MYO16: variants seen among roughly 807,000 people sequenced by gnomAD.
MYO16 encodes unconventional myosin-XVI.
Under a neutral mutation model 205.3 loss-of-function variants are expected in MYO16, and 94 were observed. The ratio of observed to expected loss-of-function variants is 0.46; its 90% confidence interval spans 0.39 to 0.54. The LOEUF is 0.54. Ranked by LOEUF, MYO16 falls within the 20% of genes least tolerant of loss-of-function variation. The pLI, the probability that MYO16 is intolerant of heterozygous loss-of-function variation, is 0.00. For missense variants in MYO16, 2,315 were observed against 2,387.5 expected (o/e 0.97, Z 0.63); for synonymous variants, 988 against 954.0 (o/e 1.04, Z -0.66).
At chr13:108,598,030 A>G (rs1444412305) in intron 1 of MYO16, among the ~76,000 whole-genome samples, 1 of 152,224 alleles carries the variant, frequency 6.6e-6, no homozygotes, top group African/African-American at 2.4e-5. Context: ...CGGCTGCTCC[A>G]CTGCTGAAAA....
At chr13:109,187,941 G>C (rs1879753195) in intron 34 of MYO16, among the ~76,000 whole-genome samples, 1 of 152,154 alleles carries the variant, frequency 6.6e-6, no homozygotes, top group Admixed American at 6.5e-5. Flanking sequence ...CCTGAGAGAA[G>C]AGCACAGAAG....
chr13:108,576,306 C>T, the MYO16 span, among the ~76,000 whole-genome samples: 1 of 152,290 alleles, frequency 6.6e-6, no homozygotes, highest in East Asian at 1.9e-4. Context: ...AACACAGGCT[C>T]TGTACATCCC....
At chr13:108,925,101 G>A (rs551256913) in intron 16 of MYO16, among the ~76,000 whole-genome samples, 4 of 152,188 alleles carry the variant, frequency 2.6e-5, no homozygotes, top group East Asian at 1.9e-4. Context: ...ATCATCCAGA[G>A]GCACCCAGAG....
intron 31 of MYO16, among the ~76,000 whole-genome samples, chr13:109,130,283 T>A (rs1054883539): frequency 1.3e-5 from 2 of 152,206 alleles, no homozygotes; most frequent in Admixed American, 1.3e-4. Flanking sequence ...GTCCACTGTG[T>A]CGCACCCTGG....
chr13:108,957,714 A>G lies in MYO16; in HGVS notation c.1952A>G (p.Asp651Gly), dbSNP rs761716126. 1.9e-6 allele frequency: 3 copies of G among 1,613,170 alleles called. No individual in the cohort carries two copies. In the South Asian group the frequency reaches 3.3e-5, roughly 18 times the overall value. ...HRYLNQTIQD[D>G]ASTGERSLNR... Reference sequence around the variant, plus strand: ...TATTTGAACCAGACCATACAGGATGATGCATCCACAGGGGAGCGTTCTCTG... The same window carrying G: ...TATTTGAACCAGACCATACAGGATGGTGCATCCACAGGGGAGCGTTCTCTG... The change falls in exon 17 of 35, where the codon GAT (aspartate) becomes GGT (glycine). Residue 651 changes from aspartate (D) to glycine (G), a missense_variant. Around this residue, in one of 3 missense-constraint regions of MYO16, gnomAD observed 1,213 missense variants for 1,274.4 expected, o/e 0.95. Transcript: ENST00000457511.
intron 23 of MYO16, among the ~76,000 whole-genome samples, chr13:109,035,668 A>G (rs1359436527): frequency 6.6e-6 from 1 of 152,164 alleles, no homozygotes; most frequent in Admixed American, 6.6e-5. Context: ...CGGGTGACAA[A>G]GTGAGACTCT....
intron 2 of MYO16, among the ~76,000 whole-genome samples, chr13:108,687,538 A>G (rs7324840): frequency 0.41 from 61,947 of 152,050 alleles, 12,647 homozygotes; most frequent in South Asian, 0.51. Context: ...CTCTGCATTC[A>G]TTTTAAACCA....
chr13:109,061,745 C>G lies in MYO16; in HGVS notation c.3335+6150C>G, dbSNP rs181432759. ...ATGACAGGCATTACCCAATGCAAAG[C>G]AGAGAAGTGAAGTGTGAACGTGTTG... On this transcript the variant is annotated intron_variant, in intron 27 of 34. Coordinates refer to ENST00000457511, the MANE Select transcript of MYO16 (RefSeq NM_001198950.3). Among the ~76,000 whole-genome samples, 10 of 152,222 alleles carry G rather than the reference C, an allele frequency of 6.6e-5. 1 individual carries two copies. The East Asian group carries it at 1.9e-3, about 29-fold the overall frequency.
chr13:109,109,762 G>A lies in MYO16; in HGVS notation c.3438+8875G>A, dbSNP rs890965917. 2.0e-5 allele frequency among the ~76,000 whole-genome samples: 3 copies of A among 151,990 alleles called. No individual in the cohort carries two copies. The South Asian group carries it at 6.2e-4, about 32-fold the overall frequency. ...GTTTGGAGCTCTAGATGATGGAAAA[G>A]ACTCGGCCCTTTAGGGCTGAAAACA... On this transcript the variant is annotated intron_variant, in intron 28 of 34. Transcript: ENST00000457511.
At chr13:108,704,972 A>C (rs374472009) in intron 2 of MYO16, among the ~76,000 whole-genome samples, 5 of 152,022 alleles carry the variant, frequency 3.3e-5, no homozygotes, top group East Asian at 1.9e-4. Flanking sequence ...TGACCAAACC[A>C]AACCAAAACA....
At chr13:109,072,008 G>A (rs9555553) in intron 27 of MYO16, among the ~76,000 whole-genome samples, 75,968 of 151,938 alleles carry the variant, frequency 0.5, 19,013 homozygotes, top group Middle Eastern at 0.55. Context: ...TTGTACTATG[G>A]TTATGCTGCC....
rs554761451 is a variant in MYO16 at position 108,899,940 on chromosome 13, C to G, written c.1777+1807C>G. Among the ~76,000 whole-genome samples, 26 of 152,290 alleles carry G rather than the reference C, an allele frequency of 1.7e-4. No homozygotes were observed. The East Asian group carries it at 4.1e-3, about 24-fold the overall frequency. ...CAGTTTAACAAGATTCCAGGTGATT[C>G]ATGGGACGTGAGTGTCTGAGAGCTC... On this transcript the variant is annotated intron_variant, in intron 15 of 34. Transcript: ENST00000457511.
intron 12 of MYO16, among the ~76,000 whole-genome samples, chr13:108,870,595 A>G (rs1879001875): frequency 6.8e-6 from 1 of 146,760 alleles, no homozygotes; most frequent in African/African-American, 2.5e-5. Flanking sequence ...TTTCTGTGCT[A>G]GTTTTTAATG....
At chr13:108,865,655 G>T (rs982729312) in intron 11 of MYO16, among the ~76,000 whole-genome samples, 16 of 151,486 alleles carry the variant, frequency 1.1e-4, no homozygotes, top group Non-Finnish European at 2.2e-4. Flanking sequence ...CTGGTGTTTG[G>T]GTTTAAATCT....
chr13:108,770,448 A>G (rs1228553442), intron 4 of MYO16, among the ~76,000 whole-genome samples: 4 of 152,310 alleles, frequency 2.6e-5, no homozygotes, highest in Middle Eastern at 3.4e-3. Context: ...TAAATACACA[A>G]TTTCCTCATC....
chr13:109,207,737 A>G lies in MYO16; in HGVS notation c.*901A>G, dbSNP rs1377693971. 6.6e-6 allele frequency: 1 copy of G among 152,244 alleles called. No individual in the cohort carries two copies. The highest frequency in any genetic ancestry group is 1.9e-4 in the East Asian group (1 of 5,196). The allele number at this position is 152,244 out of a possible 1,614,324, so 9.4% of individuals were successfully genotyped here. A position where few individuals can be genotyped will look rare whatever the true frequency, so the allele number is the denominator to read the frequency against. ...TTCATTCAAAGGCCTACACAGTACA[A>G]ATGAGCACGCTGCCATGTACTGGTT... On this transcript the variant is annotated 3_prime_UTR_variant, in exon 35 of 35. Coordinates refer to ENST00000457511, the MANE Select transcript of MYO16 (RefSeq NM_001198950.3).
chr13:109,069,853 A>G (rs1220440836), intron 27 of MYO16, among the ~76,000 whole-genome samples: 1 of 152,128 alleles, frequency 6.6e-6, no homozygotes, highest in East Asian at 1.9e-4. Context: ...CATTCAGTCC[A>G]TAACACTTAT....
Position 109,140,120 on chromosome 13 carries a change from C to G in MYO16, c.4052-144C>G, listed in dbSNP as rs1166978658. 6 of 1,396,126 alleles carry G rather than the reference C, an allele frequency of 4.3e-6. No homozygotes were observed. The highest frequency in any genetic ancestry group is 3.7e-6 in the Non-Finnish European group (4 of 1,070,596). The allele number at this position is 1,396,126 out of a possible 1,614,324, so 86.5% of individuals were successfully genotyped here. On this transcript the variant is annotated intron_variant, in intron 31 of 34. Transcript: ENST00000457511. The surrounding 1 kb of genome is among the most constrained non-coding windows in gnomAD (Gnocchi z 8.0). Reference sequence around the variant, plus strand: ...AGGAGTTCGGGTTCAGCCAGGGAGCCTAGTGGGTGGAGGAACATGCAGGCC... The same window carrying G: ...AGGAGTTCGGGTTCAGCCAGGGAGCGTAGTGGGTGGAGGAACATGCAGGCC...
chr13:108,568,641 A>G, the MYO16 span, among the ~76,000 whole-genome samples: 2 of 152,020 alleles, frequency 1.3e-5, no homozygotes, highest in Admixed American at 1.3e-4. Context: ...TTGTCTTCCC[A>G]CTTTATTGGT....
Sources: gnomAD v4.1 joint callset for allele counts (sites outside exome capture counted in the v4.1 genomes callset) on GRCh38, gnomAD v4.1.1 for gene constraint, gnomAD v4.1.1 regional missense constraint, Gnocchi (gnomAD v3.1) non-coding constraint, MANE v1.5 for transcripts, NCBI Gene and HGNC (gene_info 2026-07-23, HGNC 2026-07-21) for gene names.